The following PKHD1L1 variants were observed in gnomAD, a reference collection of about 807,000 sequenced individuals.
PKHD1L1 encodes the protein fibrocystin-L.
In PKHD1L1, 434 loss-of-function variants were observed where a neutral mutation model predicts 462.9. The observed-to-expected ratio is 0.94, with a 90% CI of 0.87 to 1.02. The LOEUF (loss-of-function observed/expected upper bound fraction) is 1.02, where lower values mean the gene tolerates loss of function less well. PKHD1L1 is among the 50% of genes least tolerant of loss of function. PKHD1L1 has a pLI of 0.00. For missense variants in PKHD1L1, 5,202 were observed against 5,096.1 expected, an observed-to-expected ratio of 1.02 and a Z score of -0.63; for synonymous variants, 1,781 against 1,750.0, an observed-to-expected ratio of 1.02 and a Z score of -0.44.
At chr8:109,491,624 A>C (rs1818830796) in intron 61 of PKHD1L1, among the ~76,000 whole-genome samples, 1 of 151,866 alleles carries the variant, frequency 6.6e-6, no homozygotes, top group Non-Finnish European at 1.5e-5. Context: ...AAAATCTGAG[A>C]TGGACCCTGT....
intron 59 of PKHD1L1, among the ~76,000 whole-genome samples, chr8:109,487,278 T>C (rs1453317405): frequency 1.3e-5 from 2 of 152,132 alleles, no homozygotes; most frequent in East Asian, 3.9e-4. Flanking sequence ...TCCTGGATTG[T>C]ATTGAAGTAA....
chr8:109,443,673 A>G lies in PKHD1L1; in HGVS notation c.4565-3A>G. The stretch of plus-strand genomic sequence containing the variant: ...ACTTAACGGGCAGTTCTTTTGTCTA[A>G]AGGAGGACCTGAGAATTTGCACTTG... On this transcript the variant is annotated splice_region_variant and splice_polypyrimidine_tract_variant and intron_variant, in intron 36 of 77. Transcript: ENST00000378402. The G allele has an allele frequency of 6.2e-7, 1 of 1,608,262 alleles. No homozygotes were observed. The highest frequency in any genetic ancestry group is 1.1e-5 in the South Asian group (1 of 90,178).
intron 72 of PKHD1L1, 27 bp downstream of exon 72, chr8:109,515,332 A>C (rs1462874758): frequency 2.1e-6 from 3 of 1,437,878 alleles, no homozygotes; most frequent in African/African-American, 2.9e-5. Flanking sequence ...AATACAGTAC[A>C]CATGGAAAAT....
Position 109,413,537 on chromosome 8 carries a change from T to C in PKHD1L1, c.2352T>C (p.Tyr784=), listed in dbSNP as rs1440603100. 3.9e-6 allele frequency: 6 copies of C among 1,527,510 alleles called. No individual in the cohort carries two copies. The highest frequency in any genetic ancestry group is 4.7e-5 in the East Asian group (2 of 42,218). The allele number at this position is 1,527,510 out of a possible 1,614,324, so 94.6% of individuals were successfully genotyped here. A position where few individuals can be genotyped will look rare whatever the true frequency, so the allele number is the denominator to read the frequency against. ...CACAGTTTACATACAACTTTGCTTA[T>C]GGAAACAAGTAAGTTACGCTATGAA... ...TDTQFTYNFA[Y]GNNWTYTCID... Residue 784 remains tyrosine, a synonymous_variant, in exon 21 of 78, where the codon TAT becomes TAC. Coordinates refer to ENST00000378402, the MANE Select transcript of PKHD1L1 (RefSeq NM_177531.6).
chr8:109,402,063 G>A (rs1274354403), intron 14 of PKHD1L1, among the ~76,000 whole-genome samples: 1 of 152,128 alleles, frequency 6.6e-6, no homozygotes, highest in Non-Finnish European at 1.5e-5. Flanking sequence ...AACTGAAAGA[G>A]CATTCATTTA....
rs1430099501 is a variant in PKHD1L1, at chr8:109,462,060, A to G, written c.7383+152A>G. Reference sequence around the variant, plus strand: ...ACAATTTTAATACACCCATTTGATCATGCCAAAATTTTGTTTCTCAAATTT... The same window carrying G: ...ACAATTTTAATACACCCATTTGATCGTGCCAAAATTTTGTTTCTCAAATTT... On this transcript the variant is annotated intron_variant, in intron 48 of 77. Coordinates refer to ENST00000378402, the MANE Select transcript of PKHD1L1 (RefSeq NM_177531.6). Among the ~76,000 whole-genome samples, 3 of 152,192 alleles carry G rather than the reference A, an allele frequency of 2.0e-5. No individual in the cohort carries two copies. The East Asian group carries it at 5.8e-4, about 29-fold the overall frequency.
At chr8:109,502,102 C>A (rs555193740) in intron 67 of PKHD1L1, among the ~76,000 whole-genome samples, 94 of 152,204 alleles carry the variant, frequency 6.2e-4, no homozygotes, top group African/African-American at 1.9e-3. Flanking sequence ...TTCAAGGCCA[C>A]CTCTGAGTTG....
intron 25 of PKHD1L1, among the ~76,000 whole-genome samples, chr8:109,428,942 G>T (rs1814926350): frequency 6.6e-6 from 1 of 152,114 alleles, no homozygotes; most frequent in Non-Finnish European, 1.5e-5. Flanking sequence ...TTGACTCTCA[G>T]ATAGAAAGAT....
intron 51 of PKHD1L1, 32 bp downstream of exon 51, chr8:109,475,301 T>G: frequency 6.6e-7 from 1 of 1,516,754 alleles, no homozygotes; most frequent in Non-Finnish European, 9.0e-7. Flanking sequence ...TGATTATAAT[T>G]GTGTATTACC....
At chr8:109,512,457 T>C (rs1334963589) in intron 71 of PKHD1L1, among the ~76,000 whole-genome samples, 1 of 152,138 alleles carries the variant, frequency 6.6e-6, no homozygotes, top group Non-Finnish European at 1.5e-5. Flanking sequence ...TAGGGAATCC[T>C]TTCCCCATTG....
chr8:109,475,261 G>A lies in PKHD1L1; in HGVS notation c.8749G>A (p.Gly2917Arg), dbSNP rs1409644882. 1.2e-6 allele frequency: 2 copies of A among 1,602,106 alleles called. No homozygotes were observed. The highest frequency in any genetic ancestry group is 2.2e-5 in the South Asian group (2 of 89,986). Residue 2917 changes from glycine (G) to arginine (R), a missense_variant, in exon 51 of 78, where the codon GGA (glycine) becomes AGA (arginine). By Grantham distance (125) the Gly-to-Arg change is moderately radical. Transcript: ENST00000378402. ...CATTTCATATACATCGACATTCTAT[G>A]GATTCAAGGTAAAAATATTTATCTT... ...TNISYTSTFY[G>R]FKEEDYVIIS...
chr8:109,381,503 A>G lies in PKHD1L1; in HGVS notation c.297A>G (p.Thr99=). 1 of 1,572,768 alleles carries G rather than the reference A, an allele frequency of 6.4e-7. No homozygotes were observed. Among genetic ancestry groups the G allele is most frequent in the Non-Finnish European group, 8.7e-7 (1 of 1,154,114 alleles). Residue 99 remains threonine, a synonymous_variant, in exon 3 of 78, where the codon ACA becomes ACG. Coordinates refer to ENST00000378402, the MANE Select transcript of PKHD1L1 (RefSeq NM_177531.6). ...ATGCAAGTCATTCAACTCAAATTAC[A>G]TGCTATACTAGGTCTGTTTTAAAGT... The part of the protein sequence containing the change: ...EKDASHSTQI[T]CYTRAMPEDS...
chr8:109,515,919 C>T (rs1252919412), intron 72 of PKHD1L1, among the ~76,000 whole-genome samples: 1 of 152,052 alleles, frequency 6.6e-6, no homozygotes, highest in East Asian at 1.9e-4. Flanking sequence ...GGCTACTCAT[C>T]ATCATTTTCT....
intron 39 of PKHD1L1, 113 bp downstream of exon 39, chr8:109,448,504 T>TG (rs1816291859): frequency 8.0e-7 from 1 of 1,243,354 alleles, no homozygotes; most frequent in Non-Finnish European, 1.1e-6. Flanking sequence ...CTAGTGTTTT[T>TG]TTTGTTTGTT....
intron 45 of PKHD1L1, 27 bp downstream of exon 45, chr8:109,454,879 T>C: frequency 6.3e-7 from 1 of 1,594,662 alleles, no homozygotes; most frequent in Non-Finnish European, 8.6e-7. Flanking sequence ...GCTAAGGGAG[T>C]TGGTAGAGGA....
intron 57 of PKHD1L1, 35 bp downstream of exon 57, chr8:109,483,140 TAC>T (rs755479459): frequency 4.8e-6 from 7 of 1,456,984 alleles, no homozygotes; most frequent in Non-Finnish European, 4.6e-6. Flanking sequence ...AAAATGAATA[TAC>T]ACAGTGGGTC....
intron 2 of PKHD1L1, among the ~76,000 whole-genome samples, chr8:109,373,547 C>T (rs561245352): frequency 6.6e-6 from 1 of 152,144 alleles, no homozygotes; most frequent in Non-Finnish European, 1.5e-5. Flanking sequence ...CTTCTGCTAG[C>T]TTTTGAATGT....
chr8:109,441,366 T>C lies in PKHD1L1; in HGVS notation c.4191T>C (p.Asn1397=), dbSNP rs756921454. ...GGAATATATTCAGGATTACCAACAA[T>C]GGGAAAGATTCAGGTATCAGCCATT... ...STGNIFRITN[N]GKDSVHGLGY... The change falls in exon 34 of 78, where the codon AAT becomes AAC. Residue 1397 remains asparagine, a synonymous_variant. Transcript: ENST00000378402. 1.5e-5 allele frequency: 23 copies of C among 1,553,346 alleles called. No individual in the cohort carries two copies. The highest frequency in any genetic ancestry group is 1.9e-5 in the Non-Finnish European group (22 of 1,137,526).
chr8:109,507,213 A>G (rs938904696), intron 68 of PKHD1L1, among the ~76,000 whole-genome samples: 2 of 152,164 alleles, frequency 1.3e-5, no homozygotes, highest in African/African-American at 4.8e-5. Flanking sequence ...ATAGTAAGCA[A>G]TAATTTCATA....
Sources: gnomAD v4.1 joint callset for allele counts (sites outside exome capture counted in the v4.1 genomes callset) on GRCh38, gnomAD v4.1.1 for gene constraint, MANE v1.5 for transcripts, NCBI Gene and HGNC (gene_info 2026-07-23, HGNC 2026-07-21) for gene names.